The following FBXO17 variants were observed in gnomAD, a reference collection of about 807,000 sequenced individuals.
The protein encoded by FBXO17 is F-box protein 17.
FBXO17 carries 43 observed loss-of-function variants against 34.1 expected under a neutral mutation model. That is an observed-to-expected ratio of 1.26 (90% CI 0.99 to 1.62). The LOEUF (loss-of-function observed/expected upper bound fraction) is 1.62, where lower values mean the gene tolerates loss of function less well. Ranked by LOEUF, FBXO17 falls within the 40% of genes most tolerant of loss-of-function variation. FBXO17 has a pLI of 0.00. For missense variants in FBXO17, 424 were observed against 386.7 expected (o/e 1.10, Z -0.81); for synonymous variants, 169 against 166.0 (o/e 1.02, Z -0.14).
chr19:38,948,252 AG>A (rs1468771505), intron 3 of FBXO17, among the ~76,000 whole-genome samples: 4 of 152,050 alleles, frequency 2.6e-5, no homozygotes, highest in East Asian at 1.9e-4. Context: ...CTGGGATTAC[AG>A]GCGAGAGCCA....
chr19:38,944,961 G>A lies in FBXO17; in HGVS notation c.693+8C>T. Reference sequence around the variant, plus strand: ...GTCGGGGGGAGCTGGAAGCTAGTCTGGACCCACCTGTCGGCAGCCCCTCTC... The same window carrying A: ...GTCGGGGGGAGCTGGAAGCTAGTCTAGACCCACCTGTCGGCAGCCCCTCTC... On this transcript the variant is annotated splice_region_variant and intron_variant, in intron 5 of 5. Transcript: ENST00000292852. The A allele has an allele frequency of 3.7e-6, 6 of 1,614,094 alleles. No individual in the cohort carries two copies. Among genetic ancestry groups the A allele is most frequent in the African/African-American group, 2.7e-5 (2 of 75,062 alleles).
At chr19:38,949,790 T>A in intron 2 of FBXO17, 181 bp downstream of exon 2, 1 of 754,316 alleles carries the variant, frequency 1.3e-6, no homozygotes, top group Admixed American at 3.3e-5. Context: ...ATTCCCGGCT[T>A]CACCTTCTCC....
intron 5 of FBXO17, 23 bp downstream of exon 5, chr19:38,944,946 G>A: frequency 6.2e-7 from 1 of 1,613,408 alleles, no homozygotes; most frequent in Non-Finnish European, 8.5e-7. Flanking sequence ...GTCGGGGGGA[G>A]CTGGAAGCTA....
At chr19:38,952,654 C>G (rs373337618) in intron 1 of FBXO17, 1 of 533,596 alleles carries the variant, frequency 1.9e-6, no homozygotes, top group African/African-American at 1.9e-5. Context: ...CGGCCGCTCC[C>G]GCTGCTCTTA....
At chr19:38,946,734 G>T in intron 3 of FBXO17, 167 bp from the exon 4 acceptor site, 1 of 984,828 alleles carries the variant, frequency 1.0e-6, no homozygotes, top group Non-Finnish European at 1.5e-6. Context: ...ATCTCTCCTT[G>T]GCCTCTTGGA....
At chr19:38,970,545 G>A (rs950340107) in intron 1 of FBXO17, among the ~76,000 whole-genome samples, 4 of 152,160 alleles carry the variant, frequency 2.6e-5, no homozygotes, top group Non-Finnish European at 5.9e-5. Flanking sequence ...CCCTCTGCAA[G>A]ATGGGAAATA....
At chr19:38,956,936 ATAATT>A (rs1290397518) in intron 1 of FBXO17, among the ~76,000 whole-genome samples, 1 of 152,208 alleles carries the variant, frequency 6.6e-6, no homozygotes, top group African/African-American at 2.4e-5. Context: ...GGCAACTAAC[ATAATT>A]TAGTGTTTCA....
At chr19:38,959,730 A>G (rs1209546818) in intron 1 of FBXO17, among the ~76,000 whole-genome samples, 1 of 152,088 alleles carries the variant, frequency 6.6e-6, no homozygotes, top group Non-Finnish European at 1.5e-5. Context: ...ATCTCTAAAA[A>G]AGTAAACATT....
intron 1 of FBXO17, among the ~76,000 whole-genome samples, chr19:38,971,880 G>A (rs879441855): frequency 6.6e-6 from 1 of 152,080 alleles, no homozygotes; most frequent in East Asian, 1.9e-4. Context: ...AATAGTTAAG[G>A]AGATGCCTTC....
chr19:38,959,788 C>T (rs541481990), intron 1 of FBXO17, among the ~76,000 whole-genome samples: 8 of 151,962 alleles, frequency 5.3e-5, no homozygotes, highest in African/African-American at 1.4e-4. Context: ...ACCACATACT[C>T]GGGAGGCTGA....
chr19:38,969,966 G>C (rs1975371196), intron 1 of FBXO17, among the ~76,000 whole-genome samples: 1 of 151,896 alleles, frequency 6.6e-6, no homozygotes, highest in Non-Finnish European at 1.5e-5. Flanking sequence ...CTCCACCCCA[G>C]AGCCAGAAAA....
chr19:38,975,389 A>G lies in FBXO17; in HGVS notation c.-18+197T>C, dbSNP rs534970805. On this transcript the variant is annotated intron_variant, in intron 1 of 5. Transcript: ENST00000292852. The surrounding 1 kb of genome is among the most constrained non-coding windows in gnomAD (Gnocchi z 4.9). Reference sequence around the variant, plus strand: ...TTAGGGCTTTCTAACGTGCATTTGTATAACTTTGGGTTTAAAGGAGCCTCA... The same window carrying G: ...TTAGGGCTTTCTAACGTGCATTTGTGTAACTTTGGGTTTAAAGGAGCCTCA... Among the ~76,000 whole-genome samples, 1 of 152,232 alleles carries G rather than the reference A, an allele frequency of 6.6e-6. No homozygotes were observed. Among genetic ancestry groups the G allele is most frequent in the Non-Finnish European group, 1.5e-5 (1 of 68,046 alleles).
chr19:38,971,437 G>A (rs898384851), intron 1 of FBXO17, among the ~76,000 whole-genome samples: 4 of 152,090 alleles, frequency 2.6e-5, no homozygotes, highest in African/African-American at 7.2e-5. Context: ...ACGATCATTC[G>A]TTGAATTTGC....
At chr19:38,951,767 A>C (rs868023297) in intron 1 of FBXO17, among the ~76,000 whole-genome samples, 2 of 149,508 alleles carry the variant, frequency 1.3e-5, no homozygotes, top group South Asian at 4.2e-4. Flanking sequence ...CTCCTGCCTC[A>C]GCCTCCCGAG....
At chr19:38,963,296 A>AC (rs35823926) in intron 1 of FBXO17, among the ~76,000 whole-genome samples, 43,593 of 145,156 alleles carry the variant, frequency 0.3, 7,132 homozygotes, top group African/African-American at 0.44. Flanking sequence ...ATTCACTCAT[A>AC]CTTTTTTTTT....
At chr19:38,960,099 G>T (rs1306528643) in intron 1 of FBXO17, among the ~76,000 whole-genome samples, 1 of 152,116 alleles carries the variant, frequency 6.6e-6, no homozygotes, top group Non-Finnish European at 1.5e-5. Context: ...CTGTGAAAAT[G>T]ATTAAGAGTT....
chr19:38,954,742 G>A (rs1451537494), intron 1 of FBXO17, among the ~76,000 whole-genome samples: 1 of 148,824 alleles, frequency 6.7e-6, no homozygotes, highest in Admixed American at 6.8e-5. Context: ...ACCACACCTG[G>A]CTAATTTTTA....
chr19:38,947,783 C>T lies in FBXO17; in HGVS notation c.461+784G>A, dbSNP rs555751813. Among the ~76,000 whole-genome samples, 284 of 150,100 alleles carry T rather than the reference C, an allele frequency of 1.9e-3. 1 individual carries two copies. The highest frequency in any genetic ancestry group is 3.6e-3 in the Non-Finnish European group (246 of 67,550). ...CATGATCCTAGGCTCACTGCAACCTCAAACTCCTGGGCTCAAGAGATCCTC... is the reference window on the plus strand; with the variant it reads ...CATGATCCTAGGCTCACTGCAACCTTAAACTCCTGGGCTCAAGAGATCCTC... On this transcript the variant is annotated intron_variant, in intron 3 of 5. Coordinates refer to ENST00000292852, the MANE Select transcript of FBXO17 (RefSeq NM_024907.7).
Position 38,950,132 on chromosome 19 carries a change from A to AGCTGCAGCAGCCACACAGTGGGCCC in FBXO17, c.163_187dup (p.Leu63ArgfsTer126), listed in dbSNP as rs1351773182. 1 of 1,561,324 alleles carries AGCTGCAGCAGCCACACAGTGGGCCC rather than the reference A, an allele frequency of 6.4e-7. No homozygotes were observed. The highest frequency in any genetic ancestry group is 8.6e-7 in the Non-Finnish European group (1 of 1,157,628). On this transcript the variant is annotated frameshift_variant, in exon 2 of 6. Coordinates refer to ENST00000292852, the MANE Select transcript of FBXO17 (RefSeq NM_024907.7). LOFTEE classifies it high-confidence loss of function. ...GCCCTCGGCGCTGCGGTCGCGGGCCAGCTGCAGCAGCCACACAGTGGGCCC... is the reference window on the plus strand; with the variant it reads ...GCCCTCGGCGCTGCGGTCGCGGGCCAGCTGCAGCAGCCACACAGTGGGCCCGCTGCAGCAGCCACACAGTGGGCCC...
Sources: allele counts gnomAD v4.1 joint callset (sites outside exome capture counted in the v4.1 genomes callset), GRCh38; gene constraint gnomAD v4.1.1; non-coding constraint Gnocchi (gnomAD v3.1); transcripts MANE v1.5; gene names NCBI Gene and HGNC (gene_info 2026-07-23, HGNC 2026-07-21).